The following PDE9A variants were observed in gnomAD, a reference collection of about 807,000 sequenced individuals.
The protein encoded by PDE9A is high affinity cGMP-specific 3',5'-cyclic phosphodiesterase 9A.
A neutral mutation model predicts 87.4 loss-of-function variants in PDE9A; 60 were observed. The ratio of observed to expected loss-of-function variants is 0.69; its 90% CI spans 0.56 to 0.85. PDE9A has a LOEUF of 0.85. Among genes scored for constraint, PDE9A ranks in the 40% least tolerant of loss-of-function variants. The pLI is 0.00. For synonymous variants in PDE9A, 272 were observed against 279.4 expected (o/e 0.97, Z 0.27); for missense variants, 665 against 779.0 (o/e 0.85, Z 1.74).
At chr21:42,750,779 G>T (rs933200706) in intron 8 of PDE9A, among the ~76,000 whole-genome samples, 1 of 151,670 alleles carries the variant, frequency 6.6e-6, no homozygotes, top group East Asian at 1.9e-4. Context: ...TAGAGATGAG[G>T]TTTCACCATG....
In PDE9A at chr21:42,768,870, G is replaced by T. The variant is rs1246409556; in HGVS notation, c.1462-157G>T. The T allele has an allele frequency of 3.0e-6, 3 of 984,924 alleles. No individual in the cohort carries two copies. The East Asian group carries it at 3.4e-4, about 112-fold the overall frequency. The allele number at this position is 984,924 out of a possible 1,614,324, so 61.0% of individuals were successfully genotyped here. On this transcript the variant is annotated intron_variant, in intron 16 of 19. Coordinates refer to ENST00000291539, the MANE Select transcript of PDE9A (RefSeq NM_002606.3). The stretch of plus-strand genomic sequence containing the variant: ...ACGCCCAGCTCTGTTTAGCACTGAA[G>T]ATAGGGTCACCTTCTCCTTGTTCTT...
At chr21:42,732,202 T>C (rs2051866511) in intron 6 of PDE9A, 78 bp downstream of exon 6, 2 of 1,417,314 alleles carry the variant, frequency 1.4e-6, no homozygotes, top group Non-Finnish European at 2.0e-6. Context: ...CCCCAGGCTC[T>C]GAGGCTGGCC....
At chr21:42,657,699 G>A (rs533803701) in intron 1 of PDE9A, among the ~76,000 whole-genome samples, 1 of 152,342 alleles carries the variant, frequency 6.6e-6, no homozygotes, top group South Asian at 2.1e-4. Context: ...AGGCCTTTGG[G>A]ACCCCTGGGC....
At chr21:42,710,461 GAGGTTGTACCATTC>G (rs1364849961) in intron 4 of PDE9A, among the ~76,000 whole-genome samples, 1 of 150,794 alleles carries the variant, frequency 6.6e-6, no homozygotes, top group Non-Finnish European at 1.5e-5. Flanking sequence ...GTTCTACCAA[GAGGTTGTACCATTC>G]CACATTCCCA....
At chr21:42,770,614 G>C in intron 17 of PDE9A, 89 bp from the exon 18 acceptor site, 2 of 978,312 alleles carry the variant, frequency 2.0e-6, no homozygotes, top group Non-Finnish European at 1.6e-6. Flanking sequence ...AGAGGTTTCC[G>C]CACGGAGCAC....
In PDE9A at chr21:42,675,882, G is replaced by A. The variant is rs2058820588; in HGVS notation, c.70-10310G>A. Among the ~76,000 whole-genome samples, 1 of 152,178 alleles carries A rather than the reference G, an allele frequency of 6.6e-6. No homozygotes were observed. Among genetic ancestry groups the A allele is most frequent in the African/African-American group, 2.4e-5 (1 of 41,438 alleles). ...TCCCCGCCAAATCTCATGTTGAATT[G>A]GTATCCTCAGTGTTGGAGTGGGGCC... On this transcript the variant is annotated intron_variant, in intron 1 of 19. Transcript: ENST00000291539. This position sits in a 1 kb window ranked among gnomAD's most constrained non-coding sequence, Gnocchi z 4.3.
At chr21:42,670,489 TACAC>T (rs1004113603) in intron 1 of PDE9A, among the ~76,000 whole-genome samples, 5 of 150,008 alleles carry the variant, frequency 3.3e-5, no homozygotes, top group South Asian at 2.1e-4. Flanking sequence ...CACATACACT[TACAC>T]ACGCACTCAC....
chr21:42,699,904 G>C (rs2048252011), intron 4 of PDE9A, among the ~76,000 whole-genome samples: 1 of 152,120 alleles, frequency 6.6e-6, no homozygotes, highest in Non-Finnish European at 1.5e-5. Context: ...ATTTATGTGT[G>C]ATTTATACAT....
intron 1 of PDE9A, among the ~76,000 whole-genome samples, chr21:42,671,076 C>T (rs1006200451): frequency 6.6e-6 from 1 of 152,094 alleles, no homozygotes; most frequent in African/African-American, 2.4e-5. Context: ...ACAAAGGAAG[C>T]GTTCTACTCC....
intron 18 of PDE9A, 63 bp downstream of exon 18, chr21:42,770,861 C>T (rs948759491): frequency 2.3e-6 from 3 of 1,285,752 alleles, no homozygotes; most frequent in Non-Finnish European, 3.4e-6. Flanking sequence ...CCTCCGCACT[C>T]CCGACTCCAG....
chr21:42,768,533 T>C, intron 16 of PDE9A: 1 of 1,302,922 alleles, frequency 7.7e-7, no homozygotes, highest in Non-Finnish European at 9.7e-7. Flanking sequence ...CTGTCACTGC[T>C]AATTGAGCCA....
At chr21:42,751,892 G>A (rs1324510200) in intron 9 of PDE9A, among the ~76,000 whole-genome samples, 33 of 151,976 alleles carry the variant, frequency 2.2e-4, no homozygotes, top group Admixed American at 2.1e-3. Flanking sequence ...CATTACAGGT[G>A]CCCGTCACCA....
chr21:42,746,816 C>T (rs544164140), intron 8 of PDE9A, among the ~76,000 whole-genome samples: 20 of 152,296 alleles, frequency 1.3e-4, no homozygotes, highest in South Asian at 4.1e-4. Context: ...ATCTGAGTAA[C>T]GGAGGCGCAT....
At chr21:42,754,743 G>A (rs563110154) in intron 10 of PDE9A, among the ~76,000 whole-genome samples, 1 of 152,294 alleles carries the variant, frequency 6.6e-6, no homozygotes, top group East Asian at 1.9e-4. Context: ...TAAGTCTCAC[G>A]AGATCTGATG....
chr21:42,762,951 C>G (rs1237094915), intron 14 of PDE9A, among the ~76,000 whole-genome samples: 1 of 152,222 alleles, frequency 6.6e-6, no homozygotes, highest in Non-Finnish European at 1.5e-5. Context: ...CCTCGACCTC[C>G]CAAAGTGCTG....
chr21:42,670,407 CA>C lies in PDE9A; in HGVS notation c.70-15784del, dbSNP rs1569118441. Among the ~76,000 whole-genome samples, 752 of 141,592 alleles carry C rather than the reference CA, an allele frequency of 5.3e-3. 1 individual carries two copies. The highest frequency in any genetic ancestry group is 0.018 in the African/African-American group (649 of 35,688). 92.9% of individuals were successfully genotyped at this position (141,592 alleles called of 152,430 possible). A position where few individuals can be genotyped will look rare whatever the true frequency, so the allele number is the denominator to read the frequency against. ...ACATTTACATTCACAAACATTCACA[CA>C]TACATTCACACGCACTTACAGTCAC... is the stretch of plus-strand genomic sequence containing the variant. On this transcript the variant is annotated intron_variant, in intron 1 of 19. Transcript: ENST00000291539.
intron 1 of PDE9A, among the ~76,000 whole-genome samples, chr21:42,655,149 A>AAC (rs145975836): frequency 0.05 from 7,651 of 151,942 alleles, 621 homozygotes; most frequent in African/African-American, 0.17. Context: ...TCCACTCACA[A>AAC]ACACACACAC....
rs1349764048 is a variant in PDE9A at position 42,722,473 on chromosome 21, G to A, written c.263-9297G>A. Among the ~76,000 whole-genome samples, 1 of 152,172 alleles carries A rather than the reference G, an allele frequency of 6.6e-6. No homozygotes were observed. Among genetic ancestry groups the A allele is most frequent in the Non-Finnish European group, 1.5e-5 (1 of 68,036 alleles). ...ACGATCAAGGGCAATAGAATGGATC[G>A]TGCATGAGCTCCCAGGCCACACACA... On this transcript the variant is annotated intron_variant, in intron 4 of 19. Coordinates refer to ENST00000291539, the MANE Select transcript of PDE9A (RefSeq NM_002606.3). This position sits in a 1 kb window ranked among gnomAD's most constrained non-coding sequence, Gnocchi z 4.1.
chr21:42,658,075 CCACCCGACCT>C (rs2057223139), intron 1 of PDE9A, among the ~76,000 whole-genome samples: 1 of 152,216 alleles, frequency 6.6e-6, no homozygotes, highest in African/African-American at 2.4e-5. Flanking sequence ...ACGCTTGCCT[CCACCCGACCT>C]ATGCCTGCCC....
Sources: gnomAD v4.1 joint callset for allele counts (sites outside exome capture counted in the v4.1 genomes callset) on GRCh38, gnomAD v4.1.1 for gene constraint, Gnocchi (gnomAD v3.1) non-coding constraint, MANE v1.5 for transcripts, NCBI Gene and HGNC (gene_info 2026-07-23, HGNC 2026-07-21) for gene names.